The following SLC5A4 variants were observed in gnomAD, a reference collection of about 807,000 sequenced individuals.
SLC5A4 encodes solute carrier family 5 member 4.
SLC5A4 carries 55 observed loss-of-function variants against 70.3 expected under a neutral mutation model. That is an observed-to-expected ratio of 0.78 (90% CI 0.63 to 0.98). The LOEUF (loss-of-function observed/expected upper bound fraction) is 0.98, where lower values mean the gene tolerates loss of function less well. SLC5A4 is among the 50% of genes least tolerant of loss of function. The pLI is 0.00. For synonymous variants in SLC5A4, 268 were observed against 305.7 expected (o/e 0.88, Z 1.29); for missense variants, 735 against 839.2 (o/e 0.88, Z 1.53).
chr22:32,293,034 T>G, the SLC5A4 span, among the ~76,000 whole-genome samples: 2 of 152,214 alleles, frequency 1.3e-5, no homozygotes, highest in African/African-American at 4.8e-5. Flanking sequence ...ATTCTTTATC[T>G]TTGCTAATAC....
At chr22:32,326,241 G>A in the SLC5A4 span, among the ~76,000 whole-genome samples, 3 of 151,780 alleles carry the variant, frequency 2.0e-5, no homozygotes, top group Non-Finnish European at 4.4e-5. Context: ...CTGTATGCAC[G>A]TGGGGTATGG....
the SLC5A4 span, among the ~76,000 whole-genome samples, chr22:32,299,930 T>C: frequency 2.2e-3 from 252 of 113,838 alleles, 14 homozygotes; most frequent in Admixed American, 0.013. Context: ...GGTGTCAGTG[T>C]GCCCCTGCTG....
the SLC5A4 span, among the ~76,000 whole-genome samples, chr22:32,281,769 G>T: frequency 6.6e-6 from 1 of 151,996 alleles, no homozygotes; most frequent in African/African-American, 2.4e-5. Flanking sequence ...AGTATTACAG[G>T]TGAGAGCCAC....
chr22:32,293,818 A>T, the SLC5A4 span, among the ~76,000 whole-genome samples: 1 of 152,152 alleles, frequency 6.6e-6, no homozygotes, highest in African/African-American at 2.4e-5. Flanking sequence ...TATATATTTT[A>T]AAAATTTTAA....
At chr22:32,266,095 A>T in the SLC5A4 span, among the ~76,000 whole-genome samples, 1 of 152,248 alleles carries the variant, frequency 6.6e-6, no homozygotes, top group East Asian at 1.9e-4. Flanking sequence ...TAGCCATGTC[A>T]TTCAGGGATA....
At chr22:32,301,600 ATC>A in the SLC5A4 span, among the ~76,000 whole-genome samples, 1 of 152,172 alleles carries the variant, frequency 6.6e-6, no homozygotes, top group African/African-American at 2.4e-5. Flanking sequence ...TACCAAATTG[ATC>A]TATAAATTCA....
the SLC5A4 span, among the ~76,000 whole-genome samples, chr22:32,268,866 T>C: frequency 4.6e-5 from 7 of 152,184 alleles, no homozygotes; most frequent in East Asian, 1.3e-3. Flanking sequence ...ATTTGGGATA[T>C]ACAGGCTTAT....
chr22:32,339,220 G>A, the SLC5A4 span, among the ~76,000 whole-genome samples: 833 of 152,298 alleles, frequency 5.5e-3, 4 homozygotes, highest in African/African-American at 0.019. Flanking sequence ...GATCCGTAGC[G>A]GCTTTTCTTT....
Position 32,228,543 on chromosome 22 carries a change from A to AG in SLC5A4, c.1280+650_1280+651insC, listed in dbSNP as rs969354846. ...GGCAAAAAGAGTGAAACTCTGTCTC[A>AG]AAAAAAAAAAATGCTATGACAATAT... On this transcript the variant is annotated intron_variant, in intron 11 of 14. Coordinates refer to ENST00000266086, the MANE Select transcript of SLC5A4 (RefSeq NM_014227.3). Among the ~76,000 whole-genome samples, 41 of 38,806 alleles carry AG rather than the reference A, an allele frequency of 1.1e-3. No homozygotes were observed. The African/African-American group carries it at 0.012, about 12-fold the overall frequency. 25.5% of individuals were successfully genotyped at this position (38,806 alleles called of 152,430 possible).
the SLC5A4 span, among the ~76,000 whole-genome samples, chr22:32,261,059 C>CA: frequency 1.6e-3 from 202 of 128,246 alleles, no homozygotes; most frequent in Middle Eastern, 8.2e-3. Flanking sequence ...GGTGACAGGG[C>CA]AAAAAAAAAA....
chr22:32,326,701 C>A, the SLC5A4 span, among the ~76,000 whole-genome samples: 1 of 152,166 alleles, frequency 6.6e-6, no homozygotes, highest in African/African-American at 2.4e-5. Context: ...GGAACGCTAC[C>A]TCAATACGGA....
the SLC5A4 span, among the ~76,000 whole-genome samples, chr22:32,348,423 C>T: frequency 6.6e-6 from 1 of 152,116 alleles, no homozygotes; most frequent in Non-Finnish European, 1.5e-5. Context: ...CTGGTGGGGG[C>T]CAGCAGCAGC....
chr22:32,219,540 T>A (rs1924930283), intron 14 of SLC5A4, among the ~76,000 whole-genome samples: 1 of 149,944 alleles, frequency 6.7e-6, no homozygotes, highest in Non-Finnish European at 1.5e-5. Context: ...ATGTATATGG[T>A]CTTATTTATG....
rs1003525215 is a variant in SLC5A4, at chr22:32,219,305, C to A, written c.1769-580G>T. 3.3e-5 allele frequency among the ~76,000 whole-genome samples: 5 copies of A among 152,240 alleles called. No homozygotes were observed. In the South Asian group the frequency reaches 1.0e-3, roughly 32 times the overall value. On this transcript the variant is annotated intron_variant, in intron 14 of 14. Coordinates refer to ENST00000266086, the MANE Select transcript of SLC5A4 (RefSeq NM_014227.3). ...AATCATATAGGCATGAACCCTTTGA[C>A]CCAACAACGGAACTCCACAAAATCT...
intron 5 of SLC5A4, among the ~76,000 whole-genome samples, chr22:32,239,546 A>ATT (rs1926302808): frequency 2.4e-4 from 3 of 12,716 alleles, no homozygotes; most frequent in South Asian, 1.7e-3. Context: ...ATATATATAT[A>ATT]TATATATATA....
At chr22:32,346,131 T>A in the SLC5A4 span, among the ~76,000 whole-genome samples, 1 of 152,160 alleles carries the variant, frequency 6.6e-6, no homozygotes, top group African/African-American at 2.4e-5. Context: ...AATCTGAAAT[T>A]ACATGATGGC....
the SLC5A4 span, among the ~76,000 whole-genome samples, chr22:32,299,256 A>G: frequency 6.7e-6 from 1 of 149,948 alleles, no homozygotes; most frequent in South Asian, 2.1e-4. Context: ...GTGTTTTCCA[A>G]CTTGGTTCCA....
At chr22:32,354,709 T>C in the SLC5A4 span, among the ~76,000 whole-genome samples, 4 of 152,040 alleles carry the variant, frequency 2.6e-5, no homozygotes, top group African/African-American at 4.8e-5. Context: ...CTGTGGGCAG[T>C]GAGGCCCCAG....
chr22:32,312,990 C>T, the SLC5A4 span, among the ~76,000 whole-genome samples: 4 of 152,120 alleles, frequency 2.6e-5, no homozygotes, highest in South Asian at 6.2e-4. Flanking sequence ...GGAAGCGAGA[C>T]AAAAATGTCG....
Sources: allele counts gnomAD v4.1 joint callset (sites outside exome capture counted in the v4.1 genomes callset), GRCh38; gene constraint gnomAD v4.1.1; transcripts MANE v1.5; gene names NCBI Gene and HGNC (gene_info 2026-07-23, HGNC 2026-07-21).